The following LEF1 variants were observed in gnomAD, a reference collection of about 807,000 sequenced individuals.
LEF1 encodes lymphoid enhancer binding factor 1.
In LEF1, 14 loss-of-function variants were observed where a neutral mutation model predicts 51.2. That is an observed-to-expected ratio of 0.27 (90% CI 0.18 to 0.43). The LOEUF (loss-of-function observed/expected upper bound fraction) is 0.43. Among genes scored for constraint, LEF1 ranks in the 20% least tolerant of loss-of-function variants. The probability of loss-of-function intolerance (pLI) is 1.00; values close to 1 mark genes in which losing one functional copy is unlikely to be tolerated. For missense variants in LEF1, 386 were observed against 512.0 expected, an observed-to-expected ratio of 0.75 and a Z score of 2.37; for synonymous variants, 185 against 183.2, an observed-to-expected ratio of 1.01 and a Z score of -0.08.
At chr4:108,134,525 A>C (rs925589584) in intron 3 of LEF1, among the ~76,000 whole-genome samples, 1 of 152,254 alleles carries the variant, frequency 6.6e-6, no homozygotes, top group Non-Finnish European at 1.5e-5. Context: ...ATCCTAGAAA[A>C]GAGGAGACTG....
chr4:108,161,061 A>T (rs1298070877), intron 3 of LEF1, among the ~76,000 whole-genome samples: 1 of 152,170 alleles, frequency 6.6e-6, no homozygotes, highest in Non-Finnish European at 1.5e-5. Flanking sequence ...CCTAGATGAA[A>T]ATCTATCACT....
intron 11 of LEF1, 93 bp downstream of exon 11, chr4:108,063,530 C>T (rs1008060024): frequency 4.6e-5 from 44 of 951,502 alleles, no homozygotes; most frequent in Non-Finnish European, 6.2e-5. Context: ...GGAGCAATGT[C>T]GAATGAACTC....
rs916314318 is a variant in LEF1 at position 108,163,452 on chromosome 4, G to A, written c.414+116C>T. 28 of 1,095,048 alleles carry A rather than the reference G, an allele frequency of 2.6e-5. No homozygotes were observed. The African/African-American group carries it at 2.7e-4, about 10-fold the overall frequency. The allele number at this position is 1,095,048 out of a possible 1,614,324, so 67.8% of individuals were successfully genotyped here. A position where few individuals can be genotyped will look rare whatever the true frequency, so the allele number is the denominator to read the frequency against. ...CTCATAACAGCTCTTATTTAGCAAC[G>A]ACTAGTTATATATAATGAAAGCATT... On this transcript the variant is annotated intron_variant, in intron 3 of 11. Transcript: ENST00000265165.
At chr4:108,163,214 C>T (rs572776601) in intron 3 of LEF1, among the ~76,000 whole-genome samples, 8 of 152,182 alleles carry the variant, frequency 5.3e-5, no homozygotes, top group African/African-American at 1.9e-4. Flanking sequence ...GCATTAAAAG[C>T]TATACAGTCC....
chr4:108,079,479 G>A lies in LEF1; in HGVS notation c.845+13C>T, dbSNP rs777037664. ...CCTAAGGCAATCACAGCAGAGCCCG[G>A]GTGGATACTTACACGTGCATTAGGT... On this transcript the variant is annotated intron_variant, in intron 7 of 11. Coordinates refer to ENST00000265165, the MANE Select transcript of LEF1 (RefSeq NM_016269.5). 1.9e-6 allele frequency: 3 copies of A among 1,613,888 alleles called. No homozygotes were observed. The highest frequency in any genetic ancestry group is 1.1e-5 in the South Asian group (1 of 91,064).
At chr4:108,124,008 T>A (rs1742349727) in intron 3 of LEF1, among the ~76,000 whole-genome samples, 1 of 152,036 alleles carries the variant, frequency 6.6e-6, no homozygotes. Context: ...AATAGCCATG[T>A]GTGATGGCAT....
At chr4:108,099,357 G>A (rs149785912) in intron 3 of LEF1, among the ~76,000 whole-genome samples, 20 of 151,420 alleles carry the variant, frequency 1.3e-4, no homozygotes, top group East Asian at 5.8e-4. Flanking sequence ...AAAAATTGGC[G>A]TTTTTGAAAC....
chr4:108,056,793 C>T (rs1210521352), intron 11 of LEF1, among the ~76,000 whole-genome samples: 2 of 152,002 alleles, frequency 1.3e-5, no homozygotes, highest in Non-Finnish European at 2.9e-5. Context: ...TCCTATGCAG[C>T]GATCTGGCAA....
intron 3 of LEF1, among the ~76,000 whole-genome samples, chr4:108,126,197 A>T (rs1219089819): frequency 6.6e-6 from 1 of 152,132 alleles, no homozygotes; most frequent in Non-Finnish European, 1.5e-5. Context: ...TAGATTTTTG[A>T]CAGTAATAAA....
chr4:108,099,570 GTATATATATATATATA>G (rs551521155), intron 3 of LEF1, among the ~76,000 whole-genome samples: 5,577 of 70,086 alleles, frequency 0.08, 413 homozygotes, highest in African/African-American at 0.15. Context: ...GTGTGTGTGT[GTATATATATATATATA>G]TATATATATA....
chr4:108,079,276 C>T (rs1297221819), intron 7 of LEF1, among the ~76,000 whole-genome samples: 1 of 152,156 alleles, frequency 6.6e-6, no homozygotes, highest in Non-Finnish European at 1.5e-5. Flanking sequence ...TTCCCATGAT[C>T]TTTTAGGGTC....
At chr4:108,146,821 A>G (rs1375968582) in intron 3 of LEF1, among the ~76,000 whole-genome samples, 2 of 152,226 alleles carry the variant, frequency 1.3e-5, no homozygotes, top group Admixed American at 6.5e-5. Flanking sequence ...ACCTGTATCG[A>G]TAAAACAACT....
At chr4:108,147,153 A>G (rs1237864921) in intron 3 of LEF1, among the ~76,000 whole-genome samples, 3 of 152,162 alleles carry the variant, frequency 2.0e-5, no homozygotes, top group Non-Finnish European at 2.9e-5. Flanking sequence ...ACAGGCTTGA[A>G]GAAGTTAGGG....
chr4:108,081,564 C>T lies in LEF1; in HGVS notation c.722+22G>A, dbSNP rs771571841. ...AGAAGAGCAACTTGTCCTCGAGCGCCCCAGTTTCCACCTCCACCTACCTGG... is the reference window on the plus strand; with the variant it reads ...AGAAGAGCAACTTGTCCTCGAGCGCTCCAGTTTCCACCTCCACCTACCTGG... On this transcript the variant is annotated intron_variant, in intron 6 of 11. Coordinates refer to ENST00000265165, the MANE Select transcript of LEF1 (RefSeq NM_016269.5). The T allele has an allele frequency of 4.4e-6, 7 of 1,602,352 alleles. No individual in the cohort carries two copies. In the South Asian group the frequency reaches 4.4e-5, roughly 10 times the overall value.
At chr4:108,065,296 C>A (rs573249899) in intron 9 of LEF1, among the ~76,000 whole-genome samples, 1 of 152,236 alleles carries the variant, frequency 6.6e-6, no homozygotes, top group East Asian at 1.9e-4. Context: ...ACTAGCCTGA[C>A]CAACATGGTG....
intron 8 of LEF1, 52 bp downstream of exon 8, chr4:108,078,168 T>A (rs375051002): frequency 4.0e-5 from 63 of 1,561,074 alleles, no homozygotes; most frequent in Non-Finnish European, 4.9e-5. Flanking sequence ...CAGATTTTCA[T>A]GAAGCAGTTC....
chr4:108,063,281 C>A (rs1360651366), intron 11 of LEF1, among the ~76,000 whole-genome samples: 1 of 152,032 alleles, frequency 6.6e-6, no homozygotes, highest in East Asian at 1.9e-4. Context: ...AGTAAGATGG[C>A]ATTTTGCTTA....
chr4:108,117,140 C>T (rs72660423), intron 3 of LEF1, among the ~76,000 whole-genome samples: 1,640 of 152,164 alleles, frequency 0.011, 13 homozygotes, highest in African/African-American at 0.017. Context: ...CCATGTAAAA[C>T]ATTTAGAAAA....
chr4:108,081,268 ACT>A (rs1739279644), intron 6 of LEF1, among the ~76,000 whole-genome samples: 1 of 151,240 alleles, frequency 6.6e-6, no homozygotes, highest in Admixed American at 6.6e-5. Context: ...AATCAAACAA[ACT>A]CTTCTTGTAA....
Sources: gnomAD v4.1 joint callset for allele counts (sites outside exome capture counted in the v4.1 genomes callset) on GRCh38, gnomAD v4.1.1 for gene constraint, MANE v1.5 for transcripts, NCBI Gene and HGNC (gene_info 2026-07-23, HGNC 2026-07-21) for gene names.